The following BLM variants were observed in gnomAD, a reference collection of about 807,000 sequenced individuals.
BLM encodes recQ-like DNA helicase BLM.
BLM carries 95 observed loss-of-function variants against 135.3 expected under a neutral mutation model. The ratio of observed to expected loss-of-function variants is 0.70; its 90% CI spans 0.59 to 0.83. The LOEUF (loss-of-function observed/expected upper bound fraction) is 0.83, where lower values mean the gene tolerates loss of function less well. BLM is among the 40% of genes least tolerant of loss of function. The pLI, the probability that BLM is intolerant of heterozygous loss-of-function variation, is 0.00. For missense variants in BLM, 1,518 were observed against 1,663.9 expected (o/e 0.91, Z 1.53); for synonymous variants, 520 against 589.2 (o/e 0.88, Z 1.70).
intron 1 of BLM, among the ~76,000 whole-genome samples, chr15:90,720,926 G>A (rs1024517308): frequency 1.3e-5 from 2 of 152,282 alleles, no homozygotes; most frequent in African/African-American, 4.8e-5. Flanking sequence ...GGGCGCGGTA[G>A]CACATGCCTA....
At position 90,760,297 on chromosome 15, in the gene BLM, CT is replaced by C; in HGVS notation, c.1220+20del. 1 of 1,613,724 alleles carries C rather than the reference CT, an allele frequency of 6.2e-7. No homozygotes were observed. The highest frequency in any genetic ancestry group is 8.5e-7 in the Non-Finnish European group (1 of 1,179,930). On this transcript the variant is annotated intron_variant, in intron 6 of 21. Coordinates refer to ENST00000355112, the MANE Select transcript of BLM (RefSeq NM_000057.4). Reference sequence around the variant, plus strand: ...AACATAAGGTATCTTAATTTTCCCCCTTCTGGAATATATCTGATTATATTTC... The same window carrying C: ...AACATAAGGTATCTTAATTTTCCCCCTCTGGAATATATCTGATTATATTTC...
chr15:90,781,054 A>G (rs764580988), intron 12 of BLM, among the ~76,000 whole-genome samples: 6 of 152,212 alleles, frequency 3.9e-5, no homozygotes, highest in Non-Finnish European at 8.8e-5. Context: ...CTGAAAAGAC[A>G]AGAGAGGAGA....
intron 8 of BLM, among the ~76,000 whole-genome samples, chr15:90,764,563 G>A (rs1433076482): frequency 6.6e-6 from 1 of 151,776 alleles, no homozygotes; most frequent in Admixed American, 6.6e-5. Flanking sequence ...TGCCCAAGTT[G>A]ATCTCAAATT....
chr15:90,752,823 C>G (rs1331764471), intron 4 of BLM, among the ~76,000 whole-genome samples: 1 of 152,096 alleles, frequency 6.6e-6, no homozygotes, highest in East Asian at 1.9e-4. Context: ...CTAAACTGAG[C>G]AAAAGTTTAT....
chr15:90,747,264 GT>G, intron 1 of BLM, 124 bp from the exon 2 acceptor site: 1 of 156,764 alleles, frequency 6.4e-6, no homozygotes, highest in Non-Finnish European at 1.2e-5. Flanking sequence ...AAAAAAAAAA[GT>G]CCTATTACTC....
At chr15:90,809,333 A>T (rs1410196562) in intron 20 of BLM, 74 bp downstream of exon 20, 2 of 1,608,354 alleles carry the variant, frequency 1.2e-6, no homozygotes, top group Admixed American at 3.3e-5. Context: ...AATTAGAAGG[A>T]TGCAGTTGTG....
chr15:90,789,987 G>GTTTTTTTTTTTTTTTTTTTTTTTT, intron 14 of BLM, among the ~76,000 whole-genome samples: 1 of 57,378 alleles, frequency 1.7e-5, no homozygotes, highest in East Asian at 7.1e-4. Context: ...AGTCCCTGGT[G>GTTTTTTTTTTTTTTTTTTTTTTTT]TTTTTTTTTT....
intron 15 of BLM, 61 bp from the exon 16 acceptor site, chr15:90,794,106 C>G: frequency 8.0e-7 from 1 of 1,243,584 alleles, no homozygotes; most frequent in Non-Finnish European, 1.1e-6. Flanking sequence ...CTAAATATTT[C>G]TATGATATGC....
At chr15:90,810,486 G>A (rs1223733809) in intron 20 of BLM, among the ~76,000 whole-genome samples, 1 of 152,218 alleles carries the variant, frequency 6.6e-6, no homozygotes, top group Non-Finnish European at 1.5e-5. Flanking sequence ...CTGTAGGGTG[G>A]CCTGTAGGAC....
chr15:90,784,556 G>A (rs987205389), intron 13 of BLM, among the ~76,000 whole-genome samples: 33 of 151,576 alleles, frequency 2.2e-4, no homozygotes, highest in African/African-American at 7.5e-4. Flanking sequence ...GGCTGGTCTC[G>A]AACTCCCGAC....
rs1276081094 is a variant in BLM, at chr15:90,790,977, TG to T, written c.3019+135del. The T allele has an allele frequency of 6.8e-6, 6 of 883,218 alleles. No individual in the cohort carries two copies. The Admixed American group carries it at 1.5e-4, about 22-fold the overall frequency. 54.7% of individuals were successfully genotyped at this position (883,218 alleles called of 1,614,324 possible). A position where few individuals can be genotyped will look rare whatever the true frequency, so the allele number is the denominator to read the frequency against. On this transcript the variant is annotated intron_variant, in intron 15 of 21. Coordinates refer to ENST00000355112, the MANE Select transcript of BLM (RefSeq NM_000057.4). ...GAAAAATAGAGGAGTTTATACAGAT[TG>T]GCAATTTTATTTTAGTTCATTTTTA...
intron 12 of BLM, among the ~76,000 whole-genome samples, chr15:90,770,402 T>A (rs868049684): frequency 2.0e-5 from 3 of 152,144 alleles, no homozygotes; most frequent in South Asian, 2.1e-4. Flanking sequence ...GGTCTCGATC[T>A]CCTGACCTCG....
chr15:90,752,662 G>T (rs1002522352), intron 4 of BLM, among the ~76,000 whole-genome samples: 2 of 152,112 alleles, frequency 1.3e-5, no homozygotes, highest in Non-Finnish European at 1.5e-5. Context: ...TAGCAAATTG[G>T]TGACATGATT....
At position 90,751,918 on chromosome 15, in the gene BLM, GCTT is replaced by G. The variant is rs564966225; in HGVS notation, c.939_941del (p.Ser316del). On this transcript the variant is annotated inframe_deletion, in exon 4 of 22. Coordinates refer to ENST00000355112, the MANE Select transcript of BLM (RefSeq NM_000057.4). ...ACCTTCTCCAGAAGAAATTATTTCT[GCTT>G]CTTCTTCCTCTTCAAAATGCCTTAG... 5.0e-6 allele frequency: 8 copies of G among 1,612,484 alleles called. No individual in the cohort carries two copies. The highest frequency in any genetic ancestry group is 1.1e-5 in the South Asian group (1 of 91,046).
intron 1 of BLM, among the ~76,000 whole-genome samples, chr15:90,740,238 C>T (rs1441129253): frequency 6.6e-6 from 1 of 152,038 alleles, no homozygotes; most frequent in Non-Finnish European, 1.5e-5. Context: ...TCCCCAAATC[C>T]TCTCATCTTT....
chr15:90,755,027 C>G (rs974578312), intron 5 of BLM, 89 bp downstream of exon 5: 51 of 1,496,248 alleles, frequency 3.4e-5, no homozygotes, highest in Non-Finnish European at 4.6e-5. Flanking sequence ...GAACCTGTGG[C>G]TGTATGTTAT....
intron 14 of BLM, among the ~76,000 whole-genome samples, chr15:90,787,842 C>T (rs960575828): frequency 6.6e-6 from 1 of 151,886 alleles, no homozygotes; most frequent in African/African-American, 2.4e-5. Flanking sequence ...CCCAGCTACT[C>T]AGGAGGCTGA....
In BLM at chr15:90,790,727, A is replaced by G. The variant is rs1267672804; in HGVS notation, c.2902A>G (p.Lys968Glu). 6.2e-7 allele frequency: 1 copy of G among 1,613,984 alleles called. No individual in the cohort carries two copies. Among genetic ancestry groups the G allele is most frequent in the Non-Finnish European group, 8.5e-7 (1 of 1,179,984 alleles). Residue 968 changes from lysine (K) to glutamate (E), a missense_variant, in exon 15 of 22, where the codon AAA becomes GAA. This residue lies in a region of BLM where 626 missense variants were observed against 681.1 expected (regional missense o/e 0.92). Coordinates refer to ENST00000355112, the MANE Select transcript of BLM (RefSeq NM_000057.4). Reference sequence around the variant, plus strand: ...ATTTGTGATTCATGCATCTCTCCCTAAATCTGTGGAGGGTTACTACCAAGA... The same window carrying G: ...ATTTGTGATTCATGCATCTCTCCCTGAATCTGTGGAGGGTTACTACCAAGA... Reference protein sequence around the residue: ...VRFVIHASLPKSVEGYYQESG... With the variant: ...VRFVIHASLPESVEGYYQESG...
chr15:90,792,388 G>A (rs28385082), intron 15 of BLM, among the ~76,000 whole-genome samples: 310 of 152,314 alleles, frequency 2.0e-3, no homozygotes, highest in African/African-American at 6.7e-3. Context: ...TTACAGGCGT[G>A]AGCCACTATG....
Sources: gnomAD v4.1 joint callset for allele counts (sites outside exome capture counted in the v4.1 genomes callset) on GRCh38, gnomAD v4.1.1 for gene constraint, gnomAD v4.1.1 regional missense constraint, MANE v1.5 for transcripts, NCBI Gene and HGNC (gene_info 2026-07-23, HGNC 2026-07-21) for gene names.